Variants in TANGO6 observed in about 807,000 individuals in gnomAD.
The protein encoded by TANGO6 is transport and golgi organization 6 homolog, also known as transport and Golgi organization protein 6 homolog.
TANGO6 carries 90 observed loss-of-function variants against 114.2 expected under a neutral mutation model. The ratio of observed to expected loss-of-function variants is 0.79; its 90% CI spans 0.66 to 0.94. The LOEUF is 0.94. Ranked by LOEUF, TANGO6 falls within the 40% of genes least tolerant of loss-of-function variation. The probability of loss-of-function intolerance (pLI) is 0.00; values close to 1 mark genes in which losing one functional copy is unlikely to be tolerated. For synonymous variants in TANGO6, 477 were observed against 509.8 expected, an observed-to-expected ratio of 0.94 and a Z score of 0.87; for missense variants, 1,274 against 1,315.3, an observed-to-expected ratio of 0.97 and a Z score of 0.49.
chr16:68,965,756 G>A (rs1963639133), intron 14 of TANGO6, among the ~76,000 whole-genome samples: 2 of 151,752 alleles, frequency 1.3e-5, no homozygotes, highest in South Asian at 4.2e-4. Flanking sequence ...AGCTGAGATT[G>A]TACCACTGCA....
At chr16:68,890,530 C>T (rs1287976836) in intron 7 of TANGO6, among the ~76,000 whole-genome samples, 1 of 152,238 alleles carries the variant, frequency 6.6e-6, no homozygotes, top group Non-Finnish European at 1.5e-5. Flanking sequence ...CTTTCAGCTA[C>T]TCTGCAGTAG....
rs56983779 is a variant in TANGO6, at chr16:69,063,808, C to CTTCTTCTTCTTCTTCTTCTTA, written c.3109-19675_3109-19674insCTTCTTCTTCTTCTTCTTATT. ...TCTTCTTCTTCTTCTTCTTCTTCTT[C>CTTCTTCTTCTTCTTCTTCTTA]TTATTATTATTATTATTATTATTAT... On this transcript the variant is annotated intron_variant, in intron 17 of 17. Coordinates refer to ENST00000261778, the MANE Select transcript of TANGO6 (RefSeq NM_024562.2). Among the ~76,000 whole-genome samples the CTTCTTCTTCTTCTTCTTCTTA allele has an allele frequency of 1.7e-3, 215 of 125,550 alleles. 2 individuals carry two copies. The highest frequency in any genetic ancestry group is 6.6e-3 in the African/African-American group (202 of 30,616). 82.4% of individuals were successfully genotyped at this position (125,550 alleles called of 152,430 possible).
intron 5 of TANGO6, among the ~76,000 whole-genome samples, chr16:68,877,912 A>C (rs1260376834): frequency 6.6e-6 from 1 of 152,090 alleles, no homozygotes; most frequent in Non-Finnish European, 1.5e-5. Flanking sequence ...CCGGCCAAAA[A>C]ATTTTTTTAA....
chr16:69,027,306 G>T (rs939206149), intron 16 of TANGO6, among the ~76,000 whole-genome samples: 8 of 152,112 alleles, frequency 5.3e-5, no homozygotes, highest in Non-Finnish European at 1.0e-4. Context: ...GGTTATAAGG[G>T]CTACTCTTTT....
chr16:69,084,569 C>T lies in TANGO6; in HGVS notation c.*908C>T, dbSNP rs1009199838. On this transcript the variant is annotated 3_prime_UTR_variant, in exon 18 of 18. Coordinates refer to ENST00000261778, the MANE Select transcript of TANGO6 (RefSeq NM_024562.2). ...TGTTGAAACAATTTCAGATATAGCA[C>T]TGTGGTCTCCACTTTATTTCTTTAT... 1 of 152,382 alleles carries T rather than the reference C, an allele frequency of 6.6e-6. No homozygotes were observed. The highest frequency in any genetic ancestry group is 1.9e-4 in the East Asian group (1 of 5,338). The allele number at this position is 152,382 out of a possible 1,614,324, so 9.4% of individuals were successfully genotyped here. A position where few individuals can be genotyped will look rare whatever the true frequency, so the allele number is the denominator to read the frequency against.
chr16:68,899,575 G>T (rs1363957653), intron 7 of TANGO6, among the ~76,000 whole-genome samples: 1 of 151,154 alleles, frequency 6.6e-6, no homozygotes, highest in Admixed American at 6.6e-5. Flanking sequence ...TGTAGAGCCA[G>T]TACAGATCTA....
intron 17 of TANGO6, among the ~76,000 whole-genome samples, chr16:69,072,448 G>T (rs900653126): frequency 2.0e-5 from 3 of 152,048 alleles, no homozygotes; most frequent in Admixed American, 6.6e-5. Flanking sequence ...AGAGGTTTCC[G>T]CTGTGGGATT....
At position 68,875,243 on chromosome 16, in the gene TANGO6, C is replaced by G. The variant is rs770737727; in HGVS notation, c.1084C>G (p.Gln362Glu). ...CGCAAAGATTTTGGCCTCTTGTCCC[C>G]AGCAGTCTCTTTCACCAGAGAATTA... ...LIAKILASCP[Q>E]QSLSPENYYR... is the part of the protein sequence containing the mutation. Residue 362 changes from glutamine to glutamate, a missense_variant, in exon 5 of 18, where the codon CAG (glutamine) becomes GAG (glutamate). Transcript: ENST00000261778. 1 of 1,613,794 alleles carries G rather than the reference C, an allele frequency of 6.2e-7. No individual in the cohort carries two copies. The highest frequency in any genetic ancestry group is 8.5e-7 in the Non-Finnish European group (1 of 1,179,768).
At chr16:68,947,927 C>G (rs1963434059) in intron 14 of TANGO6, among the ~76,000 whole-genome samples, 1 of 151,990 alleles carries the variant, frequency 6.6e-6, no homozygotes, top group African/African-American at 2.4e-5. Context: ...AATTGACTTG[C>G]CTACAGTCAC....
chr16:68,994,293 A>G (rs1369828053), intron 15 of TANGO6, among the ~76,000 whole-genome samples: 2 of 152,202 alleles, frequency 1.3e-5, no homozygotes, highest in African/African-American at 4.8e-5. Flanking sequence ...GAAGAAACAG[A>G]AAGAAAACAT....
intron 15 of TANGO6, among the ~76,000 whole-genome samples, chr16:69,004,396 TC>T (rs1964072628): frequency 6.6e-6 from 1 of 151,866 alleles, no homozygotes; most frequent in Admixed American, 6.6e-5. Context: ...CACTCTGTCA[TC>T]CAGGCTGGAG....
chr16:68,980,670 C>G (rs1306537383), intron 15 of TANGO6, among the ~76,000 whole-genome samples: 1 of 151,588 alleles, frequency 6.6e-6, no homozygotes, highest in Non-Finnish European at 1.5e-5. Flanking sequence ...CCACACCCAG[C>G]AAGGCTTTAT....
intron 9 of TANGO6, among the ~76,000 whole-genome samples, chr16:68,904,779 G>A (rs1473297132): frequency 1.3e-5 from 2 of 152,126 alleles, no homozygotes; most frequent in Non-Finnish European, 2.9e-5. Flanking sequence ...CTTTGTATTT[G>A]TTTATATGAT....
chr16:68,985,310 G>A (rs549345524), intron 15 of TANGO6, among the ~76,000 whole-genome samples: 1 of 152,264 alleles, frequency 6.6e-6, no homozygotes, highest in Admixed American at 6.5e-5. Context: ...ATTATGACAA[G>A]TGTTCTGTTG....
rs755881520 is a variant in TANGO6, at chr16:68,919,093, C to T, written c.2001C>T (p.Asp667=). ...QIFTNVTQVV[D]FVAATLQRAC... ...TTCCCTTTTTTGGGTAGGTGGTGGA[C>T]TTTGTAGCAGCAACATTGCAGAGAG... is the stretch of plus-strand genomic sequence containing the variant. Residue 667 remains aspartate (D), a synonymous_variant, in exon 12 of 18, where the codon GAC becomes GAT. Transcript: ENST00000261778. The T allele has an allele frequency of 6.2e-6, 10 of 1,611,822 alleles. No individual in the cohort carries two copies. Among genetic ancestry groups the T allele is most frequent in the Non-Finnish European group, 8.5e-6 (10 of 1,179,046 alleles).
intron 3 of TANGO6, among the ~76,000 whole-genome samples, chr16:68,863,977 C>G (rs1356575649): frequency 6.6e-6 from 1 of 151,920 alleles, no homozygotes; most frequent in East Asian, 1.9e-4. Context: ...GAGTTCGAGA[C>G]CAGCTTGACC....
intron 4 of TANGO6, among the ~76,000 whole-genome samples, chr16:68,872,666 ATTT>A (rs34193925): frequency 7.9e-5 from 11 of 139,222 alleles, no homozygotes; most frequent in African/African-American, 2.6e-4. Context: ...ATGCCTGGTA[ATTT>A]TTTTTTTTTT....
intron 15 of TANGO6, among the ~76,000 whole-genome samples, chr16:69,021,561 T>C (rs1444981121): frequency 6.6e-6 from 1 of 152,212 alleles, no homozygotes; most frequent in East Asian, 1.9e-4. Flanking sequence ...CATGGTCTCT[T>C]GTTTCGCAGC....
chr16:68,942,195 G>A (rs910453576), intron 14 of TANGO6, among the ~76,000 whole-genome samples: 19 of 151,818 alleles, frequency 1.3e-4, no homozygotes, highest in Admixed American at 1.2e-3. Flanking sequence ...GGACGTGGTG[G>A]CAGGTAATCC....
Sources: gnomAD v4.1 joint callset for allele counts (sites outside exome capture counted in the v4.1 genomes callset) on GRCh38, gnomAD v4.1.1 for gene constraint, MANE v1.5 for transcripts, NCBI Gene and HGNC (gene_info 2026-07-23, HGNC 2026-07-21) for gene names.